The following DAPK1 variants were observed in gnomAD, a reference collection of about 807,000 sequenced individuals.
The protein encoded by DAPK1 is death-associated protein kinase 1.
DAPK1 carries 56 observed loss-of-function variants against 144.9 expected under a neutral mutation model. That is an observed-to-expected ratio of 0.39 (90% CI 0.31 to 0.48). The LOEUF is 0.48. Ranked by LOEUF, DAPK1 falls within the 20% of genes least tolerant of loss-of-function variation. DAPK1 has a pLI of 0.95. For synonymous variants in DAPK1, 690 were observed against 749.0 expected (o/e 0.92, Z 1.29); for missense variants, 1,454 against 1,875.4 (o/e 0.78, Z 4.15).
At chr9:87,701,983 C>T (rs986157944) in intron 24 of DAPK1, 1 of 409,226 alleles carries the variant, frequency 2.4e-6, no homozygotes, top group Non-Finnish European at 5.2e-6. Context: ...CTCTGAGGGC[C>T]CCTGTGCTTC....
chr9:87,622,858 C>T (rs1015583272), intron 3 of DAPK1, among the ~76,000 whole-genome samples: 5 of 151,990 alleles, frequency 3.3e-5, no homozygotes, highest in South Asian at 2.1e-4. Context: ...TTGCAGTGAC[C>T]CGAGATTGCA....
At chr9:87,669,340 G>A (rs527735834) in intron 19 of DAPK1, among the ~76,000 whole-genome samples, 128 of 111,514 alleles carry the variant, frequency 1.1e-3, no homozygotes, top group African/African-American at 6.8e-3. Flanking sequence ...TTATTGCTTG[G>A]GGTGGGGGGG....
chr9:87,541,026 AT>A (rs1301227550), intron 2 of DAPK1, among the ~76,000 whole-genome samples: 1 of 152,240 alleles, frequency 6.6e-6, no homozygotes, highest in Non-Finnish European at 1.5e-5. Context: ...ACTTTATCAC[AT>A]TTTTATGAAA....
At chr9:87,660,468 A>G (rs549193331) in intron 18 of DAPK1, among the ~76,000 whole-genome samples, 5 of 152,342 alleles carry the variant, frequency 3.3e-5, no homozygotes, top group African/African-American at 1.2e-4. Context: ...ATACCTGTCA[A>G]TAAATTTATT....
At chr9:87,664,369 C>T (rs1830975859) in intron 18 of DAPK1, among the ~76,000 whole-genome samples, 1 of 152,190 alleles carries the variant, frequency 6.6e-6, no homozygotes, top group African/African-American at 2.4e-5. Flanking sequence ...ATCTCTCTGC[C>T]CACTTCTGCC....
At chr9:87,586,018 T>C (rs2118855236) in intron 2 of DAPK1, among the ~76,000 whole-genome samples, 1 of 152,354 alleles carries the variant, frequency 6.6e-6, no homozygotes, top group South Asian at 2.1e-4. Flanking sequence ...CTGGGTATGG[T>C]GGCTCACACC....
chr9:87,632,147 G>A lies in DAPK1; in HGVS notation c.285-5796G>A, dbSNP rs893360184. The stretch of plus-strand genomic sequence containing the variant: ...GTATATATATATAAAATACCAGATG[G>A]GTATGTATGTATGTAGAGATGAAGG... On this transcript the variant is annotated intron_variant, in intron 3 of 25. Coordinates refer to ENST00000408954, the MANE Select transcript of DAPK1 (RefSeq NM_004938.4). 5.3e-6 allele frequency: 4 copies of A among 748,096 alleles called. No individual in the cohort carries two copies. In the African/African-American group the frequency reaches 5.7e-5, roughly 11 times the overall value. 46.3% of individuals were successfully genotyped at this position (748,096 alleles called of 1,614,324 possible).
chr9:87,589,055 A>ATTTTTTTTT (rs35875159), intron 2 of DAPK1, among the ~76,000 whole-genome samples: 9 of 101,190 alleles, frequency 8.9e-5, no homozygotes, highest in Non-Finnish European at 1.3e-4. Context: ...CGCCCGGCTA[A>ATTTTTTTTT]TTTTTTTTTT....
intron 19 of DAPK1, among the ~76,000 whole-genome samples, chr9:87,678,315 A>G (rs1222789696): frequency 6.6e-6 from 1 of 152,242 alleles, no homozygotes; most frequent in African/African-American, 2.4e-5. Flanking sequence ...TTGTGGGAGC[A>G]TGCGCATAGT....
chr9:87,551,953 A>G (rs1001826525), intron 2 of DAPK1, among the ~76,000 whole-genome samples: 3 of 152,108 alleles, frequency 2.0e-5, no homozygotes, highest in Non-Finnish European at 4.4e-5. Flanking sequence ...TAGATCAACA[A>G]CTACACTCTA....
At chr9:87,537,538 G>A (rs535440563) in intron 2 of DAPK1, among the ~76,000 whole-genome samples, 2 of 152,182 alleles carry the variant, frequency 1.3e-5, no homozygotes, top group South Asian at 4.2e-4. Context: ...GTATGTGTGT[G>A]TATGTGGAAT....
intron 18 of DAPK1, 42 bp from the exon 19 acceptor site, chr9:87,668,555 T>G (rs1444437642): frequency 2.1e-6 from 2 of 948,616 alleles, no homozygotes; most frequent in Admixed American, 3.4e-5. Flanking sequence ...CACACAGCTC[T>G]CCTTTTCAGA....
At chr9:87,627,890 A>G (rs1829543463) in intron 3 of DAPK1, among the ~76,000 whole-genome samples, 1 of 152,212 alleles carries the variant, frequency 6.6e-6, no homozygotes, top group African/African-American at 2.4e-5. Context: ...CATGTGCCAG[A>G]TGCTCATATC....
chr9:87,655,433 C>T (rs1369312150), intron 17 of DAPK1, among the ~76,000 whole-genome samples: 2 of 152,078 alleles, frequency 1.3e-5, no homozygotes, highest in Non-Finnish European at 1.5e-5. Context: ...CAGAAGGCAT[C>T]GCTTCCTACC....
intron 2 of DAPK1, among the ~76,000 whole-genome samples, chr9:87,538,810 T>C (rs1825944252): frequency 6.6e-6 from 1 of 152,094 alleles, no homozygotes. Context: ...TTATTAAGCT[T>C]TATAAACTAT....
At chr9:87,642,474 G>T (rs1587801674) in intron 10 of DAPK1, among the ~76,000 whole-genome samples, 1 of 152,082 alleles carries the variant, frequency 6.6e-6, no homozygotes, top group South Asian at 2.1e-4. Flanking sequence ...GGTTGGAGTG[G>T]GGGTGGGGTG....
chr9:87,535,418 A>G lies in DAPK1; in HGVS notation c.62+36279A>G, dbSNP rs77043203. Among the ~76,000 whole-genome samples the G allele has an allele frequency of 1.3e-4, 20 of 152,346 alleles. No individual in the cohort carries two copies. The East Asian group carries it at 3.9e-3, about 29-fold the overall frequency. On this transcript the variant is annotated intron_variant, in intron 2 of 25. Transcript: ENST00000408954. ...TTTGATATTGAATTACATAAAAATT[A>G]TAAGCCCTGCTAAGCTTTGAGTGTG...
chr9:87,617,487 A>T lies in DAPK1; in HGVS notation c.284+12312A>T, dbSNP rs7869944. ...CGTTTATAATGGATGCAATGGGAAG[A>T]GTTTTCCTGGAGACAGGACGCAATC... On this transcript the variant is annotated intron_variant, in intron 3 of 25. Coordinates refer to ENST00000408954, the MANE Select transcript of DAPK1 (RefSeq NM_004938.4). Among the ~76,000 whole-genome samples the T allele has an allele frequency of 4.3e-4, 65 of 152,214 alleles. No homozygotes were observed. The East Asian group carries it at 0.013, about 30-fold the overall frequency.
At position 87,641,906 on chromosome 9, in the gene DAPK1, T is replaced by G. The variant is rs541858304; in HGVS notation, c.829-63T>G. 1.3e-5 allele frequency: 17 copies of G among 1,334,854 alleles called. No individual in the cohort carries two copies. The African/African-American group carries it at 2.2e-4, about 17-fold the overall frequency. The allele number at this position is 1,334,854 out of a possible 1,614,324, so 82.7% of individuals were successfully genotyped here. A position where few individuals can be genotyped will look rare whatever the true frequency, so the allele number is the denominator to read the frequency against. ...TGAATAAGGAGATGTTTCAAAAAATTGTCATATAACACATTTTCATAATTT... is the reference window on the plus strand; with the variant it reads ...TGAATAAGGAGATGTTTCAAAAAATGGTCATATAACACATTTTCATAATTT... On this transcript the variant is annotated intron_variant, in intron 9 of 25. Transcript: ENST00000408954.
Sources: allele counts gnomAD v4.1 joint callset (sites outside exome capture counted in the v4.1 genomes callset), GRCh38; gene constraint gnomAD v4.1.1; transcripts MANE v1.5; gene names NCBI Gene and HGNC (gene_info 2026-07-23, HGNC 2026-07-21).